The following ACACB variants were observed in gnomAD, a reference collection of about 807,000 sequenced individuals.
The protein encoded by ACACB is acetyl-CoA carboxylase 2.
ACACB carries 209 observed loss-of-function variants against 278.8 expected under a neutral mutation model. That is an observed-to-expected ratio of 0.75 (90% confidence interval 0.67 to 0.84). The LOEUF (loss-of-function observed/expected upper bound fraction) is 0.84, where lower values mean the gene tolerates loss of function less well. Ranked by LOEUF, ACACB falls within the 40% of genes least tolerant of loss-of-function variation. The pLI is 0.00. For missense variants in ACACB, 2,850 were observed against 3,269.0 expected (o/e 0.87, Z 3.13); for synonymous variants, 1,174 against 1,285.6 (o/e 0.91, Z 1.86).
intron 44 of ACACB, 33 bp downstream of exon 44, chr12:109,254,367 T>G (rs979609686): frequency 6.3e-6 from 10 of 1,577,876 alleles, no homozygotes; most frequent in Non-Finnish European, 8.5e-6. Context: ...TAGGACCTGG[T>G]CTCGGGTTTC....
At position 109,140,271 on chromosome 12, in the gene ACACB, TTTCCTTCCTTCCTTCCTTCC is replaced by T. The variant is rs1192116234; in HGVS notation, c.653+274_653+293del. On this transcript the variant is annotated intron_variant, in intron 2 of 52. Coordinates refer to ENST00000338432, the MANE Select transcript of ACACB (RefSeq NM_001093.4). ...CCTTCCTTCCATCCTTCCTTCCTTC[TTTCCTTCCTTCCTTCCTTCC>T]TTCCTTCCTTCCTTCCTTCCTTCCT... Among the ~76,000 whole-genome samples, 395 of 40,512 alleles carry T rather than the reference TTTCCTTCCTTCCTTCCTTCC, an allele frequency of 9.8e-3. 4 individuals are homozygous for T. The highest frequency in any genetic ancestry group is 0.016 in the East Asian group (15 of 950). 26.6% of individuals were successfully genotyped at this position (40,512 alleles called of 152,430 possible).
At position 109,247,559 on chromosome 12, in the gene ACACB, T is replaced by C. The variant is rs199983007; in HGVS notation, c.5572-47T>C. ...ATTAAGAAAAAAAAAACAGTGGCTT[T>C]CAGTGCAGGGAACTGGATTCGTAGC... is the stretch of plus-strand genomic sequence containing the variant. On this transcript the variant is annotated intron_variant, in intron 39 of 52. Transcript: ENST00000338432. 2.5e-5 allele frequency: 35 copies of C among 1,401,476 alleles called. No homozygotes were observed. The African/African-American group carries it at 4.9e-4, about 20-fold the overall frequency. 86.8% of individuals were successfully genotyped at this position (1,401,476 alleles called of 1,614,324 possible). A position where few individuals can be genotyped will look rare whatever the true frequency, so the allele number is the denominator to read the frequency against.
chr12:109,175,542 A>G (rs2044256335), intron 7 of ACACB, among the ~76,000 whole-genome samples: 1 of 152,114 alleles, frequency 6.6e-6, no homozygotes, highest in Non-Finnish European at 1.5e-5. Context: ...CAGCCTCCCG[A>G]GTAGCTGGGA....
chr12:109,169,550 C>T (rs549837795), intron 4 of ACACB, among the ~76,000 whole-genome samples: 35 of 152,118 alleles, frequency 2.3e-4, no homozygotes, highest in South Asian at 4.1e-4. Context: ...CTCCATCAGC[C>T]GGGTACCAGT....
chr12:109,264,697 G>A (rs1314265440), intron 50 of ACACB, among the ~76,000 whole-genome samples: 1 of 152,078 alleles, frequency 6.6e-6, no homozygotes, highest in Non-Finnish European at 1.5e-5. Context: ...TGGACCAGGG[G>A]TAGAAACCGT....
intron 12 of ACACB, among the ~76,000 whole-genome samples, chr12:109,186,397 C>T (rs1286034552): frequency 1.3e-5 from 2 of 152,170 alleles, no homozygotes. Context: ...TGCTGAGACC[C>T]ATCAGTGGAC....
At chr12:109,230,532 C>T (rs1402092172) in intron 28 of ACACB, among the ~76,000 whole-genome samples, 17 of 152,230 alleles carry the variant, frequency 1.1e-4, no homozygotes, top group African/African-American at 2.4e-5. Context: ...ATGTGATCCT[C>T]CCACCTCAGC....
Position 109,233,918 on chromosome 12 carries a change from C to G in ACACB, c.4240-20C>G. On this transcript the variant is annotated intron_variant, in intron 30 of 52. Transcript: ENST00000338432. ...TGGCCCCCAGGCTTTCCAGCCCTAC[C>G]CCTTGCTTCTCCCTCTCAGAGCCTC... 6.2e-7 allele frequency: 1 copy of G among 1,613,596 alleles called. No homozygotes were observed. The highest frequency in any genetic ancestry group is 1.1e-5 in the South Asian group (1 of 91,070).
intron 28 of ACACB, among the ~76,000 whole-genome samples, chr12:109,231,253 G>A (rs1306612886): frequency 6.6e-6 from 1 of 152,162 alleles, no homozygotes; most frequent in Non-Finnish European, 1.5e-5. Context: ...TCTGCCCACT[G>A]TTGCCCTGCA....
intron 2 of ACACB, 100 bp from the exon 3 acceptor site, chr12:109,166,761 T>C (rs1322717661): frequency 2.8e-6 from 4 of 1,413,112 alleles, no homozygotes; most frequent in Non-Finnish European, 3.8e-6. Context: ...GGGGCTCTGG[T>C]GCAGTTTGGC....
intron 2 of ACACB, among the ~76,000 whole-genome samples, chr12:109,151,416 T>G (rs747351257): frequency 5.3e-5 from 8 of 152,032 alleles, no homozygotes; most frequent in African/African-American, 9.7e-5. Context: ...CATTGCCCTA[T>G]TTTAGAAAAA....
At chr12:109,122,572 CAAAAAAAAA>C (rs59516728) in intron 1 of ACACB, among the ~76,000 whole-genome samples, 5 of 61,836 alleles carry the variant, frequency 8.1e-5, no homozygotes, top group Admixed American at 6.5e-4. Context: ...GACATTGTCT[CAAAAAAAAA>C]AAAAAAAAAA....
At chr12:109,192,483 C>T (rs572654742) in intron 15 of ACACB, among the ~76,000 whole-genome samples, 86 of 152,112 alleles carry the variant, frequency 5.7e-4, no homozygotes, top group African/African-American at 2.0e-3. Flanking sequence ...TAGCAGCATT[C>T]CTGGCCTCTA....
At position 109,223,798 on chromosome 12, in the gene ACACB, C is replaced by G; in HGVS notation, c.3793-17C>G. The G allele has an allele frequency of 1.9e-6, 3 of 1,604,860 alleles. No individual in the cohort carries two copies. The highest frequency in any genetic ancestry group is 2.6e-6 in the Non-Finnish European group (3 of 1,171,688). On this transcript the variant is annotated splice_polypyrimidine_tract_variant and intron_variant, in intron 26 of 52. Coordinates refer to ENST00000338432, the MANE Select transcript of ACACB (RefSeq NM_001093.4). ...TCACATTTACTTTTCCTTGTTTCCCCTTTTCATTTCCCTTAGAAATTAATA... is the reference window on the plus strand; with the variant it reads ...TCACATTTACTTTTCCTTGTTTCCCGTTTTCATTTCCCTTAGAAATTAATA...
chr12:109,156,389 A>G (rs2136104176), intron 2 of ACACB, among the ~76,000 whole-genome samples: 1 of 152,094 alleles, frequency 6.6e-6, no homozygotes, highest in East Asian at 1.9e-4. Context: ...TTAGCTGAGG[A>G]TGGTGATGCA....
intron 21 of ACACB, among the ~76,000 whole-genome samples, 179 bp from the exon 22 acceptor site, chr12:109,212,657 G>A: frequency 6.6e-6 from 1 of 152,184 alleles, no homozygotes; most frequent in East Asian, 1.9e-4. Context: ...GGGAGGGGCT[G>A]TAAATACAGA....
chr12:109,223,867 A>G lies in ACACB; in HGVS notation c.3845A>G (p.Tyr1282Cys), dbSNP rs149793040. 2,125 of 1,614,134 alleles carry G rather than the reference A, an allele frequency of 1.3e-3. 5 individuals are homozygous for G. The highest frequency in any genetic ancestry group is 1.7e-3 in the Non-Finnish European group (1,993 of 1,180,014). Residue 1282 changes from tyrosine to cysteine, a missense_variant, in exon 27 of 53, where the codon TAT becomes TGT. By Grantham distance (194) the Tyr-to-Cys change is radical (BLOSUM62 -2). This residue lies in a region of ACACB where 2,265 missense variants were observed against 2,561.3 expected (regional missense o/e 0.88). Transcript: ENST00000338432. Reference sequence around the variant, plus strand: ...TTCGACGTCCTGCCTACTTTCTTCTATCACGCAAACAAAGTCGTGTGCATG... The same window carrying G: ...TTCGACGTCCTGCCTACTTTCTTCTGTCACGCAAACAAAGTCGTGTGCATG... ...TIFDVLPTFFYHANKVVCMAS... is the reference protein window; with the variant it reads ...TIFDVLPTFFCHANKVVCMAS...
At chr12:109,156,587 G>GTT (rs10616119) in intron 2 of ACACB, among the ~76,000 whole-genome samples, 8 of 131,680 alleles carry the variant, frequency 6.1e-5, no homozygotes, top group African/African-American at 1.7e-4. Flanking sequence ...GTTTCTCTCT[G>GTT]TTTTTTTTTT....
chr12:109,219,657 AAGAG>A (rs1398575379), intron 24 of ACACB, among the ~76,000 whole-genome samples: 20 of 152,334 alleles, frequency 1.3e-4, no homozygotes, highest in South Asian at 6.2e-4. Context: ...CTTTCAGAAA[AAGAG>A]AGAGTGTGTA....
Sources: allele counts gnomAD v4.1 joint callset (sites outside exome capture counted in the v4.1 genomes callset), GRCh38; gene constraint gnomAD v4.1.1; regional missense constraint gnomAD v4.1.1; transcripts MANE v1.5; gene names NCBI Gene and HGNC (gene_info 2026-07-23, HGNC 2026-07-21).